The following PRR5L variants were observed in gnomAD, a reference collection of about 807,000 sequenced individuals.
The protein encoded by PRR5L is proline rich 5 like, also known as proline-rich protein 5-like.
Under a neutral mutation model 36.4 loss-of-function variants are expected in PRR5L, and 21 were observed. That is an observed-to-expected ratio of 0.58 (90% confidence interval 0.41 to 0.83). The LOEUF (loss-of-function observed/expected upper bound fraction) is 0.83, where lower values mean the gene tolerates loss of function less well. Ranked by LOEUF, PRR5L falls within the 40% of genes least tolerant of loss-of-function variation. PRR5L has a pLI of 0.00. For missense variants in PRR5L, 381 were observed against 473.3 expected, an observed-to-expected ratio of 0.80 and a Z score of 1.81; for synonymous variants, 188 against 197.0, an observed-to-expected ratio of 0.95 and a Z score of 0.38.
At chr11:36,442,239 T>A (rs1858737208) in intron 6 of PRR5L, among the ~76,000 whole-genome samples, 1 of 152,226 alleles carries the variant, frequency 6.6e-6, no homozygotes, top group African/African-American at 2.4e-5. Context: ...TGCTCTGTTT[T>A]CCTTTTAATT....
At chr11:36,386,830 A>G (rs2133536124) in intron 1 of PRR5L, among the ~76,000 whole-genome samples, 1 of 152,356 alleles carries the variant, frequency 6.6e-6, no homozygotes, top group Middle Eastern at 3.4e-3. Flanking sequence ...ATAGATGCAA[A>G]TGGAGGCTTG....
At chr11:36,442,625 C>A (rs2133613104) in intron 6 of PRR5L, among the ~76,000 whole-genome samples, 1 of 150,302 alleles carries the variant, frequency 6.7e-6, no homozygotes, top group Non-Finnish European at 1.5e-5. Flanking sequence ...CAAGTGTGAG[C>A]TACTGTGCCC....
intron 1 of PRR5L, among the ~76,000 whole-genome samples, chr11:36,399,372 A>T (rs920422724): frequency 6.6e-6 from 1 of 152,120 alleles, no homozygotes; most frequent in Non-Finnish European, 1.5e-5. Flanking sequence ...CCTTGTTGCT[A>T]TGCCTGTTGC....
At chr11:36,318,766 A>G (rs1157031884) in intron 1 of PRR5L, among the ~76,000 whole-genome samples, 3 of 152,158 alleles carry the variant, frequency 2.0e-5, no homozygotes, top group Non-Finnish European at 4.4e-5. Context: ...GATATCTGGA[A>G]AAGTGAAGAG....
At chr11:36,446,219 G>T in intron 6 of PRR5L, 81 bp from the exon 7 acceptor site, 2 of 1,499,924 alleles carry the variant, frequency 1.3e-6, no homozygotes, top group East Asian at 4.6e-5. Flanking sequence ...ATATAAACAT[G>T]TGTTGTCTTG....
At chr11:36,417,726 C>A (rs1234121055) in intron 3 of PRR5L, among the ~76,000 whole-genome samples, 4 of 152,130 alleles carry the variant, frequency 2.6e-5, no homozygotes, top group African/African-American at 7.2e-5. Context: ...TTTTATTGTG[C>A]CTGTTTTCTC....
chr11:36,448,392 G>T (rs1279962993), intron 7 of PRR5L, among the ~76,000 whole-genome samples: 2 of 152,062 alleles, frequency 1.3e-5, no homozygotes, highest in South Asian at 2.1e-4. Context: ...TTCCATCCCT[G>T]CCTGGAACCT....
chr11:36,403,230 C>G, intron 2 of PRR5L, 68 bp from the exon 3 acceptor site: 1 of 1,394,092 alleles, frequency 7.2e-7, no homozygotes, highest in Non-Finnish European at 1.0e-6. Context: ...ACCTTCAGCC[C>G]TGAGCTGCTA....
intron 3 of PRR5L, among the ~76,000 whole-genome samples, chr11:36,406,512 C>G (rs183438081): frequency 1.3e-5 from 2 of 152,332 alleles, no homozygotes; most frequent in African/African-American, 4.8e-5. Flanking sequence ...ACCTGGATGT[C>G]TCAAGTTGAA....
chr11:36,423,863 G>A (rs1393451249), intron 4 of PRR5L, among the ~76,000 whole-genome samples: 1 of 152,150 alleles, frequency 6.6e-6, no homozygotes, highest in Non-Finnish European at 1.5e-5. Flanking sequence ...TGGCCTAGAA[G>A]CTCCCACTGG....
intron 1 of PRR5L, among the ~76,000 whole-genome samples, chr11:36,326,946 G>T (rs76224194): frequency 0.096 from 14,598 of 152,140 alleles, 1,279 homozygotes; most frequent in African/African-American, 0.24. Context: ...CAGGAGGGTG[G>T]TTTGAAACCT....
chr11:36,433,593 A>G (rs1858544994), intron 5 of PRR5L, among the ~76,000 whole-genome samples: 2 of 152,120 alleles, frequency 1.3e-5, no homozygotes, highest in South Asian at 2.1e-4. Context: ...TCTGTGGCCC[A>G]GGCTGGAGTA....
At chr11:36,301,935 TATC>T (rs747507112) in intron 1 of PRR5L, among the ~76,000 whole-genome samples, 1 of 152,018 alleles carries the variant, frequency 6.6e-6, no homozygotes, top group Non-Finnish European at 1.5e-5. Context: ...AGGAGTGAAA[TATC>T]ATGATGTCTG....
Position 36,462,493 on chromosome 11 carries a change from GCGGCACA to G in PRR5L, c.868_874del (p.His290TrpfsTer16). 6.2e-7 allele frequency: 1 copy of G among 1,608,734 alleles called. No individual in the cohort carries two copies. The highest frequency in any genetic ancestry group is 8.5e-7 in the Non-Finnish European group (1 of 1,177,108). ...ACCTGGAGAAGTGTGGCAGCGTGCG[GCGGCACA>G]CGGTGGCCAATGCCCACTCGGACAT... is the stretch of plus-strand genomic sequence containing the variant. On this transcript the variant is annotated frameshift_variant, in exon 9 of 9. Coordinates refer to ENST00000530639, the MANE Select transcript of PRR5L (RefSeq NM_001160167.2). LOFTEE classifies it high-confidence loss of function.
At chr11:36,461,278 G>T (rs1859172652) in intron 8 of PRR5L, among the ~76,000 whole-genome samples, 1 of 152,176 alleles carries the variant, frequency 6.6e-6, no homozygotes, top group African/African-American at 2.4e-5. Context: ...GGATTCAAAA[G>T]ATAAAATGTC....
intron 1 of PRR5L, among the ~76,000 whole-genome samples, chr11:36,389,759 C>A (rs1310400662): frequency 1.3e-5 from 2 of 152,070 alleles, no homozygotes; most frequent in Non-Finnish European, 2.9e-5. Flanking sequence ...ATTACAGGCG[C>A]CCGCCACCAT....
At chr11:36,392,736 A>AGACG (rs1167403565) in intron 1 of PRR5L, among the ~76,000 whole-genome samples, 1 of 152,102 alleles carries the variant, frequency 6.6e-6, no homozygotes. Flanking sequence ...AGAGAGAGAC[A>AGACG]GAGAGCAAGG....
chr11:36,310,720 T>C (rs1351923353), intron 1 of PRR5L, among the ~76,000 whole-genome samples: 2 of 152,074 alleles, frequency 1.3e-5, no homozygotes, highest in East Asian at 1.9e-4. Flanking sequence ...TCTCAGGGGC[T>C]GGGTGTGGTG....
chr11:36,439,877 T>A (rs1433206906), intron 6 of PRR5L, among the ~76,000 whole-genome samples: 1 of 152,218 alleles, frequency 6.6e-6, no homozygotes, highest in African/African-American at 2.4e-5. Context: ...ACTGTTATTT[T>A]TTTTGGAGTA....
Sources: allele counts gnomAD v4.1 joint callset (sites outside exome capture counted in the v4.1 genomes callset), GRCh38; gene constraint gnomAD v4.1.1; transcripts MANE v1.5; gene names NCBI Gene and HGNC (gene_info 2026-07-23, HGNC 2026-07-21).